The following COL14A1 variants were observed in gnomAD, a reference collection of about 807,000 sequenced individuals.
COL14A1 encodes the protein collagen alpha-1(XIV) chain.
COL14A1 carries 136 observed loss-of-function variants against 230.3 expected under a neutral mutation model. That is an observed-to-expected ratio of 0.59 (90% CI 0.51 to 0.68). COL14A1 has a LOEUF of 0.68. COL14A1 is among the 30% of genes least tolerant of loss of function. The probability of loss-of-function intolerance (pLI) is 0.00; values close to 1 mark genes in which losing one functional copy is unlikely to be tolerated. For missense variants in COL14A1, 1,976 were observed against 2,215.8 expected (o/e 0.89, Z 2.17); for synonymous variants, 792 against 784.1 (o/e 1.01, Z -0.17).
intron 8 of COL14A1, among the ~76,000 whole-genome samples, chr8:120,202,986 T>A (rs1464456637): frequency 1.8e-5 from 1 of 55,076 alleles, no homozygotes; most frequent in East Asian, 4.1e-4. Flanking sequence ...AATAATAATT[T>A]CAAATATATA....
intron 9 of COL14A1, among the ~76,000 whole-genome samples, chr8:120,205,829 A>G (rs1301240138): frequency 6.6e-6 from 1 of 152,224 alleles, no homozygotes. Flanking sequence ...TATTTTAAAA[A>G]TTGAGATTAT....
intron 45 of COL14A1, among the ~76,000 whole-genome samples, chr8:120,349,606 C>T (rs956877825): frequency 7.1e-6 from 1 of 140,536 alleles, no homozygotes; most frequent in African/African-American, 2.8e-5. Context: ...CCTCGGGAGC[C>T]GATGCGATCA....
chr8:120,339,275 G>A (rs142584216), intron 42 of COL14A1, among the ~76,000 whole-genome samples: 14 of 152,312 alleles, frequency 9.2e-5, no homozygotes, highest in African/African-American at 3.1e-4. Context: ...ACAGGCGTGA[G>A]CCACCGCGCC....
chr8:120,137,603 A>C (rs999787427), intron 1 of COL14A1, among the ~76,000 whole-genome samples: 1 of 152,102 alleles, frequency 6.6e-6, no homozygotes, highest in Non-Finnish European at 1.5e-5. Flanking sequence ...CTATAAGTTT[A>C]TCTCTAATTC....
Position 120,266,844 on chromosome 8 carries a change from C to A in COL14A1, c.3034C>A (p.Pro1012Thr), listed in dbSNP as rs777490292. 6.2e-7 allele frequency: 1 copy of A among 1,612,292 alleles called. No individual in the cohort carries two copies. The highest frequency in any genetic ancestry group is 8.5e-7 in the Non-Finnish European group (1 of 1,178,726). ...CTTTACAGAATCACTTCCTACACGA[C>A]CACCAACTTTTCCTCCAACCATTCC... ...MEKTQSLPTR[P>T]PTFPPTIPPA... The change falls in exon 25 of 48, where the codon CCA (proline) becomes ACA (threonine). Residue 1012 changes from proline (P) to threonine (T), a missense_variant. By Grantham distance (38) the Pro-to-Thr change is conservative. Coordinates refer to ENST00000297848, the MANE Select transcript of COL14A1 (RefSeq NM_021110.4).
At chr8:120,136,315 A>T (rs1353419603) in intron 1 of COL14A1, among the ~76,000 whole-genome samples, 1 of 151,942 alleles carries the variant, frequency 6.6e-6, no homozygotes, top group Non-Finnish European at 1.5e-5. Flanking sequence ...TAAAATCCTG[A>T]ATGTGTATTG....
chr8:120,235,814 G>T (rs1818426084), intron 19 of COL14A1, among the ~76,000 whole-genome samples: 3 of 152,146 alleles, frequency 2.0e-5, no homozygotes, highest in African/African-American at 7.2e-5. Flanking sequence ...CTGGTACATT[G>T]TGTCTTTGTT....
At chr8:120,274,687 T>C (rs1264316187) in intron 26 of COL14A1, among the ~76,000 whole-genome samples, 2 of 151,458 alleles carry the variant, frequency 1.3e-5, no homozygotes, top group African/African-American at 2.4e-5. Context: ...AACGATCAAT[T>C]CTGAGATAAG....
At chr8:120,141,075 G>C (rs980211410) in intron 1 of COL14A1, among the ~76,000 whole-genome samples, 3 of 152,172 alleles carry the variant, frequency 2.0e-5, no homozygotes, top group African/African-American at 7.2e-5. Context: ...AATTAGGTTT[G>C]ACATTTTGGT....
At chr8:120,288,682 C>T (rs1820283176) in intron 33 of COL14A1, among the ~76,000 whole-genome samples, 1 of 152,084 alleles carries the variant, frequency 6.6e-6, no homozygotes, top group African/African-American at 2.4e-5. Context: ...ACCCCATAAC[C>T]TTGATTGTAT....
At position 120,226,754 on chromosome 8, in the gene COL14A1, G is replaced by A. The variant is rs768187311; in HGVS notation, c.1992G>A (p.Gly664=). The A allele has an allele frequency of 6.2e-7, 1 of 1,613,306 alleles. No individual in the cohort carries two copies. The highest frequency in any genetic ancestry group is 8.5e-7 in the Non-Finnish European group (1 of 1,179,534). The part of the protein sequence containing the change: ...HKLMWIPVYG[G]KTEEVVLKEE... ...TGATGTGGATTCCAGTCTATGGGGG[G>A]AAGACTGAGGAGGTGAGTTTTCTGA... Residue 664 remains glycine, a synonymous_variant, in exon 16 of 48, where the codon GGG becomes GGA. Transcript: ENST00000297848.
Position 120,345,574 on chromosome 8 carries a change from C to T in COL14A1, c.5077+11C>T. The stretch of plus-strand genomic sequence containing the variant: ...CCCCAGGAGAACGAGGTAAGCTGGG[C>T]CCCTTCTCTCAGAGGAACTCCTCTG... On this transcript the variant is annotated intron_variant, in intron 45 of 47. Coordinates refer to ENST00000297848, the MANE Select transcript of COL14A1 (RefSeq NM_021110.4). 1 of 1,518,598 alleles carries T rather than the reference C, an allele frequency of 6.6e-7. No homozygotes were observed. Among genetic ancestry groups the T allele is most frequent in the East Asian group, 2.5e-5 (1 of 40,202 alleles). 94.1% of individuals were successfully genotyped at this position (1,518,598 alleles called of 1,614,324 possible). A position where few individuals can be genotyped will look rare whatever the true frequency, so the allele number is the denominator to read the frequency against.
chr8:120,281,338 G>A (rs61533560), intron 31 of COL14A1, among the ~76,000 whole-genome samples: 4,091 of 152,002 alleles, frequency 0.027, 188 homozygotes, highest in African/African-American at 0.093. Flanking sequence ...AAGGTGGGAG[G>A]ATCACTTGAG....
intron 19 of COL14A1, among the ~76,000 whole-genome samples, chr8:120,238,790 C>T (rs1205519384): frequency 6.6e-6 from 1 of 152,164 alleles, no homozygotes; most frequent in Non-Finnish European, 1.5e-5. Flanking sequence ...GTGGGAAAAG[C>T]ATAGTATCTG....
chr8:120,189,157 A>C (rs1816736907), intron 5 of COL14A1, among the ~76,000 whole-genome samples: 1 of 152,220 alleles, frequency 6.6e-6, no homozygotes, highest in Non-Finnish European at 1.5e-5. Flanking sequence ...AGTGGCTTTT[A>C]AATTACCTCT....
Position 120,300,820 on chromosome 8 carries a change from T to G in COL14A1, c.4401+2T>G. On this transcript the variant is annotated splice_donor_variant, in intron 36 of 47. Coordinates refer to ENST00000297848, the MANE Select transcript of COL14A1 (RefSeq NM_021110.4). LOFTEE classifies it high-confidence loss of function. ...GCTCTGGGACCAGCGGGCCCACCAG[T>G]AAGTCTTGCTGAGTTCAGCCTTAAA... The G allele has an allele frequency of 6.2e-7, 1 of 1,611,554 alleles. No homozygotes were observed. The highest frequency in any genetic ancestry group is 8.5e-7 in the Non-Finnish European group (1 of 1,178,158).
At chr8:120,141,786 T>C (rs1195963284) in intron 1 of COL14A1, among the ~76,000 whole-genome samples, 2 of 152,226 alleles carry the variant, frequency 1.3e-5, no homozygotes, top group Non-Finnish European at 2.9e-5. Flanking sequence ...GGCTATTTGA[T>C]TGTGGCCTTT....
At chr8:120,260,069 A>G (rs1447171178) in intron 23 of COL14A1, among the ~76,000 whole-genome samples, 1 of 152,212 alleles carries the variant, frequency 6.6e-6, no homozygotes, top group African/African-American at 2.4e-5. Context: ...TAGGAACAAG[A>G]AATGATTAAA....
intron 42 of COL14A1, among the ~76,000 whole-genome samples, chr8:120,333,050 C>T (rs961825778): frequency 3.3e-5 from 5 of 152,188 alleles, no homozygotes; most frequent in African/African-American, 9.7e-5. Flanking sequence ...ACAACAGCTA[C>T]GTGTTAATCA....
Sources: gnomAD v4.1 joint callset for allele counts (sites outside exome capture counted in the v4.1 genomes callset) on GRCh38, gnomAD v4.1.1 for gene constraint, MANE v1.5 for transcripts, NCBI Gene and HGNC (gene_info 2026-07-23, HGNC 2026-07-21) for gene names.